Variants in KANK3 observed in about 807,000 individuals in gnomAD.
KANK3 encodes KN motif and ankyrin repeat domain-containing protein 3.
Under a neutral mutation model 65.4 loss-of-function variants are expected in KANK3, and 61 were observed. The observed-to-expected ratio is 0.93, with a 90% CI of 0.76 to 1.15. The LOEUF is 1.15. Among genes scored for constraint, KANK3 ranks in the 50% most tolerant of loss-of-function variants. KANK3 has a pLI of 0.00. For missense variants in KANK3, 1,187 were observed against 1,178.8 expected (o/e 1.01, Z -0.10); for synonymous variants, 586 against 543.3 (o/e 1.08, Z -1.09).
At position 8,333,846 on chromosome 19, in the gene KANK3, G is replaced by C; in HGVS notation, c.1635-38C>G. The C allele has an allele frequency of 6.5e-7, 1 of 1,547,430 alleles. No individual in the cohort carries two copies. Among genetic ancestry groups the C allele is most frequent in the Non-Finnish European group, 8.7e-7 (1 of 1,146,204 alleles). ...CCAGGAGAGACTCAGGATGGATCGG[G>C]GACAGCGCCGACCAGGAGGAGGGCA... On this transcript the variant is annotated intron_variant, in intron 5 of 10. Transcript: ENST00000330915. This position sits in a 1 kb window ranked among gnomAD's most constrained non-coding sequence, Gnocchi z 5.0.
chr19:8,333,294 C>G lies in KANK3; in HGVS notation c.1720-64G>C. On this transcript the variant is annotated intron_variant, in intron 6 of 10. Coordinates refer to ENST00000330915, the MANE Select transcript of KANK3 (RefSeq NM_198471.3). The surrounding 1 kb of genome is among the most constrained non-coding windows in gnomAD (Gnocchi z 5.0). ...CCACGGCGGCGCCGTGGTGGGGGAG[C>G]TGGGGAGGGGCGGGACTGGGAAGAG... is the stretch of plus-strand genomic sequence containing the variant. 7.3e-7 allele frequency: 1 copy of G among 1,362,662 alleles called. No individual in the cohort carries two copies. The highest frequency in any genetic ancestry group is 1.3e-5 in the South Asian group (1 of 78,332). The allele number at this position is 1,362,662 out of a possible 1,614,324, so 84.4% of individuals were successfully genotyped here.
chr19:8,336,061 A>G (rs1568578023), intron 2 of KANK3, among the ~76,000 whole-genome samples: 1 of 150,362 alleles, frequency 6.7e-6, no homozygotes, highest in African/African-American at 2.5e-5. Flanking sequence ...GGCAATGGTA[A>G]TAATAACAGG....
intron 7 of KANK3, among the ~76,000 whole-genome samples, chr19:8,329,770 G>A (rs1970493806): frequency 6.6e-6 from 1 of 152,180 alleles, no homozygotes; most frequent in African/African-American, 2.4e-5. Context: ...TTGGGGGATT[G>A]GCTCACTGTC....
intron 1 of KANK3, among the ~76,000 whole-genome samples, chr19:8,340,814 C>T (rs1161619753): frequency 6.6e-6 from 1 of 152,218 alleles, no homozygotes; most frequent in Non-Finnish European, 1.5e-5. Context: ...CAGCTGTTTC[C>T]CGTCCCTTCA....
chr19:8,340,495 C>G (rs554401556), intron 1 of KANK3, among the ~76,000 whole-genome samples: 2 of 152,076 alleles, frequency 1.3e-5, no homozygotes, highest in South Asian at 4.2e-4. Context: ...TTCTGACTGC[C>G]CTTTACCTGT....
chr19:8,340,162 T>C (rs904164247), intron 1 of KANK3, among the ~76,000 whole-genome samples: 2 of 150,568 alleles, frequency 1.3e-5, no homozygotes, highest in African/African-American at 4.9e-5. Context: ...CTCAGGAGGC[T>C]GAGGCAGGAG....
At chr19:8,330,566 T>C (rs1249625949) in intron 7 of KANK3, among the ~76,000 whole-genome samples, 6 of 151,812 alleles carry the variant, frequency 4.0e-5, no homozygotes, top group Admixed American at 2.0e-4. Context: ...CTGTCTGTAC[T>C]AAAAATACAA....
rs1238172802 is a variant in KANK3 at position 8,333,014 on chromosome 19, C to G, written c.1936G>C (p.Gly646Arg). ...LAIASLLLDT[G>R]ACEVNRQNRA... ...CCACCCACCCTCCCTTGGCTCTGAC[C>G]CGTATCCAGGAGCAGGCTTGCGATG... Residue 646 changes from glycine to arginine, a missense_variant and splice_region_variant, in exon 7 of 11, where the codon GGG becomes CGG. Gly to Arg is a moderately radical substitution (Grantham distance 125). Around this residue, in one of 3 missense-constraint regions of KANK3, gnomAD observed 1,078 missense variants for 1,038.2 expected, o/e 1.04. Coordinates refer to ENST00000330915, the MANE Select transcript of KANK3 (RefSeq NM_198471.3). The surrounding 1 kb of genome is among the most constrained non-coding windows in gnomAD (Gnocchi z 5.0). The G allele has an allele frequency of 1.0e-6, 1 of 977,574 alleles. No homozygotes were observed. The allele number at this position is 977,574 out of a possible 1,614,324, so 60.6% of individuals were successfully genotyped here. A position where few individuals can be genotyped will look rare whatever the true frequency, so the allele number is the denominator to read the frequency against.
Position 8,334,611 on chromosome 19 carries a change from A to T in KANK3, c.1216T>A (p.Trp406Arg), listed in dbSNP as rs764712299. 6.3e-7 allele frequency: 1 copy of T among 1,579,120 alleles called. No homozygotes were observed. Among genetic ancestry groups the T allele is most frequent in the East Asian group, 2.3e-5 (1 of 43,944 alleles). Residue 406 changes from tryptophan (W) to arginine (R), a missense_variant, in exon 3 of 11, where the codon TGG (tryptophan) becomes AGG (arginine). This residue lies in a region of KANK3 where 1,078 missense variants were observed against 1,038.2 expected (regional missense o/e 1.04). Coordinates refer to ENST00000330915, the MANE Select transcript of KANK3 (RefSeq NM_198471.3). ...QLREATTQTP[W>R]SCAEKAAQTE... ...TGCGCGGCCTTTTCGGCACAGCTCC[A>T]CGGGGTCTGGGTGGTGGCCTCGCGT... is the stretch of plus-strand genomic sequence containing the variant.
chr19:8,333,918 T>G lies in KANK3; in HGVS notation c.1626A>C (p.Ala542=). 1 of 1,580,008 alleles carries G rather than the reference T, an allele frequency of 6.3e-7. No individual in the cohort carries two copies. Among genetic ancestry groups the G allele is most frequent in the African/African-American group, 1.3e-5 (1 of 74,128 alleles). Residue 542 remains alanine, a synonymous_variant, in exon 5 of 11, where the codon GCA becomes GCC. Coordinates refer to ENST00000330915, the MANE Select transcript of KANK3 (RefSeq NM_198471.3). This position sits in a 1 kb window ranked among gnomAD's most constrained non-coding sequence, Gnocchi z 5.0. ...PEAEAEPQQV[A]QGRCELSPRL... Reference sequence around the variant, plus strand: ...TAGCGAGCGCCGCTCACCTCCCCTGTGCCACCTGCTGAGGCTCTGCCTCCG... The same window carrying G: ...TAGCGAGCGCCGCTCACCTCCCCTGGGCCACCTGCTGAGGCTCTGCCTCCG...
Position 8,333,032 on chromosome 19 carries a change from T to G in KANK3, c.1918A>C (p.Ser640Arg), listed in dbSNP as rs761022932. 1 of 1,254,238 alleles carries G rather than the reference T, an allele frequency of 8.0e-7. No individual in the cohort carries two copies. Among genetic ancestry groups the G allele is most frequent in the Non-Finnish European group, 1.1e-6 (1 of 937,396 alleles). The allele number at this position is 1,254,238 out of a possible 1,614,324, so 77.7% of individuals were successfully genotyped here. A position where few individuals can be genotyped will look rare whatever the true frequency, so the allele number is the denominator to read the frequency against. Residue 640 changes from serine to arginine, a missense_variant, in exon 7 of 11, where the codon AGC (serine) becomes CGC (arginine). Ser to Arg is a moderately radical substitution (Grantham distance 110). Transcript: ENST00000330915. The surrounding 1 kb of genome is among the most constrained non-coding windows in gnomAD (Gnocchi z 5.0). Reference protein sequence around the residue: ...SVSHGNLAIASLLLDTGACEV... With the variant: ...SVSHGNLAIARLLLDTGACEV... ...CTCTGACCCGTATCCAGGAGCAGGC[T>G]TGCGATGGCCAGGTTCCCGTGGGAC...
intron 7 of KANK3, among the ~76,000 whole-genome samples, chr19:8,325,610 G>A (rs1371537349): frequency 6.6e-6 from 1 of 152,030 alleles, no homozygotes; most frequent in Non-Finnish European, 1.5e-5. Flanking sequence ...ATCAGGCAGG[G>A]ACTTGGTTTT....
At position 8,335,496 on chromosome 19, in the gene KANK3, G is replaced by T; in HGVS notation, c.331C>A (p.Pro111Thr). The T allele has an allele frequency of 2.4e-6, 3 of 1,238,300 alleles. No homozygotes were observed. Among genetic ancestry groups the T allele is most frequent in the African/African-American group, 1.6e-5 (1 of 63,970 alleles). 76.7% of individuals were successfully genotyped at this position (1,238,300 alleles called of 1,614,324 possible). The change falls in exon 3 of 11, where the codon CCC becomes ACC. Residue 111 changes from proline to threonine, a missense_variant. Pro to Thr is a conservative substitution (Grantham distance 38). This residue lies in a region of KANK3 where 1,078 missense variants were observed against 1,038.2 expected (regional missense o/e 1.04). Coordinates refer to ENST00000330915, the MANE Select transcript of KANK3 (RefSeq NM_198471.3). Reference sequence around the variant, plus strand: ...AGCGGCTGCATCAGGAGCCCCGAGGGCGCGCCCTGGGAGAGTATGCCCGGT... The same window carrying T: ...AGCGGCTGCATCAGGAGCCCCGAGGTCGCGCCCTGGGAGAGTATGCCCGGT... Reference protein sequence around the residue: ...GAPGILSQGAPSGLLMQPLSP... With the variant: ...GAPGILSQGATSGLLMQPLSP...
Position 8,335,454 on chromosome 19 carries a change from C to G in KANK3, c.373G>C (p.Val125Leu). 8.2e-7 allele frequency: 1 copy of G among 1,226,546 alleles called. No homozygotes were observed. Among genetic ancestry groups the G allele is most frequent in the Non-Finnish European group, 1.0e-6 (1 of 982,104 alleles). The allele number at this position is 1,226,546 out of a possible 1,614,324, so 76.0% of individuals were successfully genotyped here. The change falls in exon 3 of 11, where the codon GTG (valine) becomes CTG (leucine). Residue 125 changes from valine to leucine, a missense_variant. Physicochemically the swap from Val to Leu is conservative, Grantham distance 32. Coordinates refer to ENST00000330915, the MANE Select transcript of KANK3 (RefSeq NM_198471.3). ...LMQPLSPRAP[V>L]RNPRVEHTLR... is the part of the protein sequence containing the mutation. ...GTGTGCTCGACGCGCGGGTTGCGCA[C>G]GGGCGCGCGCGGCGACAGCGGCTGC...
Position 8,333,661 on chromosome 19 carries a change from G to A in KANK3, c.1719+63C>T. The A allele has an allele frequency of 7.6e-7, 1 of 1,313,824 alleles. No individual in the cohort carries two copies. Among genetic ancestry groups the A allele is most frequent in the Non-Finnish European group, 1.0e-6 (1 of 996,228 alleles). 81.4% of individuals were successfully genotyped at this position (1,313,824 alleles called of 1,614,324 possible). ...GGAACCCGGTGTGCTCCCCTAAGTG[G>A]GCGTCAGAGGTCCTTGGAGGCTCCC... On this transcript the variant is annotated intron_variant, in intron 6 of 10. Transcript: ENST00000330915. This position sits in a 1 kb window ranked among gnomAD's most constrained non-coding sequence, Gnocchi z 5.0.
chr19:8,334,487 G>T lies in KANK3; in HGVS notation c.1327+13C>A. The T allele has an allele frequency of 6.2e-7, 1 of 1,607,288 alleles. No homozygotes were observed. The highest frequency in any genetic ancestry group is 8.5e-7 in the Non-Finnish European group (1 of 1,179,716). ...CGAGTAAGCCAGGGCCCAGCGACGG[G>T]GTCGGGACTCACCCGCGGGCGCCAC... On this transcript the variant is annotated intron_variant, in intron 3 of 10. Coordinates refer to ENST00000330915, the MANE Select transcript of KANK3 (RefSeq NM_198471.3).
intron 1 of KANK3, among the ~76,000 whole-genome samples, chr19:8,340,291 T>TATATATATATATATATATACACACAC (rs1472181365): frequency 1.1e-5 from 1 of 92,870 alleles, no homozygotes; most frequent in Non-Finnish European, 2.1e-5. Flanking sequence ...TATATATATA[T>TATATATATATATATATATACACACAC]ACACACACAC....
intron 7 of KANK3, among the ~76,000 whole-genome samples, chr19:8,330,152 C>T (rs1386173182): frequency 6.6e-6 from 1 of 152,122 alleles, no homozygotes; most frequent in African/African-American, 2.4e-5. Flanking sequence ...GCAAAGTGCA[C>T]ACCCACGTAC....
Position 8,342,914 on chromosome 19 carries a change from T to TC in KANK3, c.-29+310dup, listed in dbSNP as rs556487702. ...GCCCAGCGCGAGGGGCTGGCTGGGGTCCCCAGGCCGTCCCGGGAAAGGGTC... is the reference window on the plus strand; with the variant it reads ...GCCCAGCGCGAGGGGCTGGCTGGGGTCCCCCAGGCCGTCCCGGGAAAGGGTC... On this transcript the variant is annotated intron_variant, in intron 1 of 10. Coordinates refer to ENST00000330915, the MANE Select transcript of KANK3 (RefSeq NM_198471.3). Among the ~76,000 whole-genome samples the TC allele has an allele frequency of 5.8e-3, 885 of 151,862 alleles. 4 individuals carry two copies. The highest frequency in any genetic ancestry group is 0.011 in the Admixed American group (166 of 15,262).
Sources: gnomAD v4.1 joint callset for allele counts (sites outside exome capture counted in the v4.1 genomes callset) on GRCh38, gnomAD v4.1.1 for gene constraint, gnomAD v4.1.1 regional missense constraint, Gnocchi (gnomAD v3.1) non-coding constraint, MANE v1.5 for transcripts, NCBI Gene and HGNC (gene_info 2026-07-23, HGNC 2026-07-21) for gene names.